AGBL3: variants seen among roughly 807,000 people sequenced by gnomAD.
AGBL3 encodes the protein cytosolic carboxypeptidase 3.
In AGBL3, 68 loss-of-function variants were observed where a neutral mutation model predicts 94.5. That is an observed-to-expected ratio of 0.72 (90% CI 0.59 to 0.88). The LOEUF (loss-of-function observed/expected upper bound fraction) is 0.88, where lower values mean the gene tolerates loss of function less well. Ranked by LOEUF, AGBL3 falls within the 40% of genes least tolerant of loss-of-function variation. AGBL3 has a pLI of 0.00. For missense variants in AGBL3, 934 were observed against 1,103.8 expected (o/e 0.85, Z 2.18); for synonymous variants, 354 against 370.7 (o/e 0.95, Z 0.52).
intron 7 of AGBL3, among the ~76,000 whole-genome samples, chr7:135,035,385 T>C (rs948429280): frequency 9.2e-5 from 14 of 152,214 alleles, no homozygotes; most frequent in Admixed American, 7.8e-4. Context: ...ATTCAGCAAG[T>C]TTCTAAAAGA....
chr7:135,037,349 A>G, intron 7 of AGBL3, 69 bp from the exon 8 acceptor site: 1 of 1,320,860 alleles, frequency 7.6e-7, no homozygotes, highest in Non-Finnish European at 1.0e-6. Context: ...ACACTTATAA[A>G]TCCATAGTTG....
In AGBL3 at chr7:135,044,171, T is replaced by C. The variant is rs1817133236; in HGVS notation, c.1627+20T>C. The C allele has an allele frequency of 6.5e-6, 10 of 1,540,042 alleles. No individual in the cohort carries two copies. The South Asian group carries it at 1.2e-4, about 19-fold the overall frequency. On this transcript the variant is annotated intron_variant, in intron 9 of 16. Coordinates refer to ENST00000436302, the MANE Select transcript of AGBL3 (RefSeq NM_178563.4). The stretch of plus-strand genomic sequence containing the variant: ...CTCTGGGTAAGACCAAGGGTTCTCA[T>C]TCACAGCTCTCAAAGCTTTAAACCA...
intron 16 of AGBL3, among the ~76,000 whole-genome samples, chr7:135,131,940 T>C (rs572288932): frequency 6.6e-6 from 1 of 152,252 alleles, no homozygotes; most frequent in East Asian, 1.9e-4. Context: ...AAATGGATTA[T>C]TTCCTCAATA....
chr7:135,117,778 C>G (rs1826538552), intron 16 of AGBL3, among the ~76,000 whole-genome samples: 1 of 152,160 alleles, frequency 6.6e-6, no homozygotes, highest in African/African-American at 2.4e-5. Context: ...GGGTGTCTAC[C>G]TCAGGCACAA....
intron 4 of AGBL3, among the ~76,000 whole-genome samples, chr7:134,997,757 G>C (rs1312090333): frequency 6.6e-6 from 1 of 152,154 alleles, no homozygotes; most frequent in East Asian, 1.9e-4. Flanking sequence ...CAAGAGTTTA[G>C]CAAGGTCCAA....
intron 11 of AGBL3, among the ~76,000 whole-genome samples, chr7:135,048,291 G>A (rs1016827691): frequency 1.3e-5 from 2 of 151,790 alleles, no homozygotes; most frequent in South Asian, 2.1e-4. Context: ...GATGACTCTC[G>A]CTTTGTTCTT....
chr7:135,061,015 A>G (rs988481904), intron 12 of AGBL3, among the ~76,000 whole-genome samples: 1 of 151,236 alleles, frequency 6.6e-6, no homozygotes, highest in African/African-American at 2.4e-5. Flanking sequence ...ATTCCCACCA[A>G]CAGTGTACAG....
In AGBL3 at chr7:135,034,768, G is replaced by A. The variant is rs1172666195; in HGVS notation, c.1177G>A (p.Asp393Asn). The A allele has an allele frequency of 1.3e-6, 2 of 1,551,714 alleles. No homozygotes were observed. Among genetic ancestry groups the A allele is most frequent in the African/African-American group, 2.7e-5 (2 of 73,136 alleles). Reference protein sequence around the residue: ...GNSSDAQLLRDTFVFKVVPML... With the variant: ...GNSSDAQLLRNTFVFKVVPML... ...CTCAAGTGATGCACAGTTGCTTCGG[G>A]ACACTTTTGTCTTCAAGGTGGTACC... Residue 393 changes from aspartate to asparagine, a missense_variant, in exon 7 of 17, where the codon GAC (aspartate) becomes AAC (asparagine). Physicochemically the swap from Asp to Asn is conservative, Grantham distance 23. Around this residue, in one of 3 missense-constraint regions of AGBL3, gnomAD observed 488 missense variants for 563.6 expected, o/e 0.87. Coordinates refer to ENST00000436302, the MANE Select transcript of AGBL3 (RefSeq NM_178563.4).
intron 11 of AGBL3, 52 bp downstream of exon 11, chr7:135,045,963 T>C: frequency 1.7e-6 from 2 of 1,172,614 alleles, no homozygotes; most frequent in East Asian, 5.2e-5. Context: ...TTTACTATGT[T>C]CTTTATAATT....
chr7:135,129,807 A>C (rs1262955109), intron 16 of AGBL3: 4 of 515,150 alleles, frequency 7.8e-6, no homozygotes, highest in Non-Finnish European at 1.5e-5. Context: ...CCTGTGTAGA[A>C]GATATGGAAG....
Position 135,115,454 on chromosome 7 carries a change from A to G in AGBL3, c.2185A>G (p.Thr729Ala), listed in dbSNP as rs1294415538. ...FQSKKTGINW[T>A]DDEKRSYKDK... Reference sequence around the variant, plus strand: ...AAGCAAGAAGACTGGCATAAATTGGACAGATGATGAAAAAAGAAGCTACAA... The same window carrying G: ...AAGCAAGAAGACTGGCATAAATTGGGCAGATGATGAAAAAAGAAGCTACAA... Residue 729 changes from threonine to alanine, a missense_variant, in exon 16 of 17, where the codon ACA (threonine) becomes GCA (alanine). Physicochemically the swap from Thr to Ala is moderately conservative, Grantham distance 58. This residue lies in a region of AGBL3 where 441 missense variants were observed against 518.2 expected (regional missense o/e 0.85). Coordinates refer to ENST00000436302, the MANE Select transcript of AGBL3 (RefSeq NM_178563.4). The G allele has an allele frequency of 2.3e-5, 35 of 1,551,270 alleles. No individual in the cohort carries two copies. In the Admixed American group the frequency reaches 6.5e-4, roughly 29 times the overall value.
At chr7:135,034,083 G>A (rs991617023) in intron 6 of AGBL3, 66 bp from the exon 7 acceptor site, 2 of 1,286,836 alleles carry the variant, frequency 1.6e-6, no homozygotes, top group African/African-American at 3.0e-5. Flanking sequence ...ATTTTACATT[G>A]GTTTTTTACA....
Position 134,993,523 on chromosome 7 carries a change from G to A in AGBL3, c.155G>A (p.Arg52Gln), listed in dbSNP as rs926554354. 16 of 1,550,324 alleles carry A rather than the reference G, an allele frequency of 1.0e-5. No individual in the cohort carries two copies. Among genetic ancestry groups the A allele is most frequent in the South Asian group, 1.2e-5 (1 of 83,762 alleles). ...TCTTTTGGTGATCCCTTCTTCCCCC[G>A]GACTACACAGATACTATTAGAATAT... ...ADSFGDPFFPRTTQILLEYQL... is the reference protein window; with the variant it reads ...ADSFGDPFFPQTTQILLEYQL... The change falls in exon 4 of 17, where the codon CGG becomes CAG. Residue 52 changes from arginine (R) to glutamine (Q), a missense_variant. Physicochemically the swap from Arg to Gln is conservative, Grantham distance 43 (BLOSUM62 1). Around this residue, in one of 3 missense-constraint regions of AGBL3, gnomAD observed 488 missense variants for 563.6 expected, o/e 0.87. Coordinates refer to ENST00000436302, the MANE Select transcript of AGBL3 (RefSeq NM_178563.4).
In AGBL3 at chr7:135,084,391, T is replaced by C. The variant is rs555962807; in HGVS notation, c.2110+2601T>C. Among the ~76,000 whole-genome samples the C allele has an allele frequency of 3.3e-5, 5 of 152,268 alleles. No homozygotes were observed. In the East Asian group the frequency reaches 7.7e-4, roughly 23 times the overall value. On this transcript the variant is annotated intron_variant, in intron 15 of 16. Coordinates refer to ENST00000436302, the MANE Select transcript of AGBL3 (RefSeq NM_178563.4). ...TAGCTATTTGAAAATACACAATAAA[T>C]TGTTAATTATACTCACCCTATAGTT...
intron 3 of AGBL3, among the ~76,000 whole-genome samples, chr7:134,990,448 A>C (rs1488687765): frequency 3.3e-5 from 5 of 152,084 alleles, no homozygotes; most frequent in Non-Finnish European, 7.4e-5. Context: ...TATTGTTGAG[A>C]GGTATTCCAT....
chr7:135,089,185 G>C (rs1563252149), intron 15 of AGBL3, among the ~76,000 whole-genome samples: 1 of 151,344 alleles, frequency 6.6e-6, no homozygotes, highest in Non-Finnish European at 1.5e-5. Flanking sequence ...TTCATTCATT[G>C]AATGTTTCAG....
intron 15 of AGBL3, among the ~76,000 whole-genome samples, chr7:135,083,818 T>C (rs1006985254): frequency 6.6e-6 from 1 of 152,230 alleles, no homozygotes; most frequent in African/African-American, 2.4e-5. Flanking sequence ...AAAATTTTAG[T>C]GAACAAAAGA....
intron 5 of AGBL3, 77 bp downstream of exon 5, chr7:135,017,236 C>A: frequency 1.8e-6 from 2 of 1,101,248 alleles, no homozygotes; most frequent in Non-Finnish European, 2.7e-6. Flanking sequence ...ATTTGTTTTG[C>A]TGTTTGTAGT....
intron 16 of AGBL3, among the ~76,000 whole-genome samples, chr7:135,117,040 C>T (rs1390899869): frequency 2.0e-5 from 3 of 152,190 alleles, no homozygotes; most frequent in Admixed American, 6.5e-5. Context: ...TTCTACCTTT[C>T]GGAGTTGCCT....
Sources: allele counts gnomAD v4.1 joint callset (sites outside exome capture counted in the v4.1 genomes callset), GRCh38; gene constraint gnomAD v4.1.1; regional missense constraint gnomAD v4.1.1; transcripts MANE v1.5; gene names NCBI Gene and HGNC (gene_info 2026-07-23, HGNC 2026-07-21).